Variants in OPA3 observed in about 807,000 individuals in gnomAD.
The protein encoded by OPA3 is outer mitochondrial membrane lipid metabolism regulator OPA3.
In OPA3, 6 loss-of-function variants were observed where a neutral mutation model predicts 4.0. That is an observed-to-expected ratio of 1.51 (90% confidence interval 0.83 to 2.99). The LOEUF (loss-of-function observed/expected upper bound fraction) is 2.99. Among genes scored for constraint, OPA3 ranks in the 30% most tolerant of loss-of-function variants. OPA3 has a pLI of 0.00. For missense variants in OPA3, 235 were observed against 256.2 expected, an observed-to-expected ratio of 0.92 and a Z score of 0.56; for synonymous variants, 105 against 117.1, an observed-to-expected ratio of 0.90 and a Z score of 0.67.
At chr19:45,572,836 T>G (rs929468269) in intron 1 of OPA3, among the ~76,000 whole-genome samples, 1 of 145,126 alleles carries the variant, frequency 6.9e-6, no homozygotes, top group Non-Finnish European at 1.5e-5. Flanking sequence ...TCGATATATA[T>G]CTATCTATAT....
rs772253134 is a variant in OPA3 at position 45,529,475 on chromosome 19, G to A, written c.143-19C>T. On this transcript the variant is annotated intron_variant, in intron 1 of 1. Coordinates refer to the OPA3 transcript ENST00000323060. ...TGGTACACTGCAGGAAAAGACAGGA[G>A]TCAGGGGTCTTTTGCAGGGCAGCCT... 3.1e-6 allele frequency: 5 copies of A among 1,610,756 alleles called. No homozygotes were observed. In the South Asian group the frequency reaches 5.5e-5, roughly 18 times the overall value.
chr19:45,548,870 C>G lies in OPA3; in HGVS notation c.*4644G>C. 1 of 495,070 alleles carries G rather than the reference C, an allele frequency of 2.0e-6. No homozygotes were observed. The highest frequency in any genetic ancestry group is 2.6e-6 in the Non-Finnish European group (1 of 382,586). The allele number at this position is 495,070 out of a possible 1,614,324, so 30.7% of individuals were successfully genotyped here. A position where few individuals can be genotyped will look rare whatever the true frequency, so the allele number is the denominator to read the frequency against. On this transcript the variant is annotated 3_prime_UTR_variant, in exon 2 of 2. Transcript: ENST00000263275. ...CCAGGCTGGAGTATAATGGCATGAT[C>G]TCGGCTCACTGCAACCTCCGCCTCC...
In OPA3 at chr19:45,550,649, A is replaced by G; in HGVS notation, c.*2865T>C. On this transcript the variant is annotated 3_prime_UTR_variant, in exon 2 of 2. Coordinates refer to ENST00000263275, the MANE Select transcript of OPA3 (RefSeq NM_025136.4). Reference sequence around the variant, plus strand: ...GCTTACCCCTGGCCTTAGTTTCCCCAGCTCATAGGGTGACTCTTGGGCCTC... The same window carrying G: ...GCTTACCCCTGGCCTTAGTTTCCCCGGCTCATAGGGTGACTCTTGGGCCTC... 1 of 985,934 alleles carries G rather than the reference A, an allele frequency of 1.0e-6. No homozygotes were observed. The highest frequency in any genetic ancestry group is 1.2e-6 in the Non-Finnish European group (1 of 830,336). The allele number at this position is 985,934 out of a possible 1,614,324, so 61.1% of individuals were successfully genotyped here. A position where few individuals can be genotyped will look rare whatever the true frequency, so the allele number is the denominator to read the frequency against.
chr19:45,552,153 C>T lies in OPA3; in HGVS notation c.*1361G>A. On this transcript the variant is annotated 3_prime_UTR_variant, in exon 2 of 2. Transcript: ENST00000263275. ...ATGAGGGGGTTCTGTTGGAATAGTC[C>T]ACTTCGGGTCTCAAGGGAAGGTACA... The T allele has an allele frequency of 1.0e-6, 1 of 985,330 alleles. No individual in the cohort carries two copies. Among genetic ancestry groups the T allele is most frequent in the African/African-American group, 1.7e-5 (1 of 57,320 alleles). 61.0% of individuals were successfully genotyped at this position (985,330 alleles called of 1,614,324 possible).
intron 1 of OPA3, among the ~76,000 whole-genome samples, chr19:45,535,762 C>CTTTTTTTTT (rs370775683): frequency 8.1e-6 from 1 of 122,958 alleles, no homozygotes; most frequent in African/African-American, 3.1e-5. Context: ...TTTTTCTTTT[C>CTTTTTTTTT]TTTTTTTTTT....
intron 1 of OPA3, among the ~76,000 whole-genome samples, chr19:45,558,531 T>G (rs1969454051): frequency 6.6e-6 from 1 of 152,048 alleles, no homozygotes. Flanking sequence ...GGACAGCCCA[T>G]AGTAAGCATA....
At chr19:45,530,346 TC>T (rs571729563) in intron 1 of OPA3, among the ~76,000 whole-genome samples, 2 of 151,534 alleles carry the variant, frequency 1.3e-5, no homozygotes. Context: ...AGAGCGAGAC[TC>T]CATCTCAAAA....
downstream of OPA3, among the ~76,000 whole-genome samples, chr19:45,542,820 C>T (rs11879921): frequency 0.027 from 4,110 of 151,836 alleles, 190 homozygotes; most frequent in African/African-American, 0.094. Flanking sequence ...ACTACAGGCA[C>T]CTGCCACCAC....
At chr19:45,560,496 C>T (rs1212232937) in intron 1 of OPA3, among the ~76,000 whole-genome samples, 1 of 152,082 alleles carries the variant, frequency 6.6e-6, no homozygotes, top group African/African-American at 2.4e-5. Flanking sequence ...TCTCTGGCTC[C>T]CCCATCTCCC....
chr19:45,572,409 G>A (rs1471119591), intron 1 of OPA3, among the ~76,000 whole-genome samples: 4 of 115,886 alleles, frequency 3.5e-5, no homozygotes, highest in Admixed American at 2.0e-4. Context: ...TGAGATTATC[G>A]ATATATATCG....
At position 45,552,049 on chromosome 19, in the gene OPA3, C is replaced by G; in HGVS notation, c.*1465G>C. 2.0e-6 allele frequency: 2 copies of G among 985,446 alleles called. No homozygotes were observed. The highest frequency in any genetic ancestry group is 2.4e-6 in the Non-Finnish European group (2 of 830,030). The allele number at this position is 985,446 out of a possible 1,614,324, so 61.0% of individuals were successfully genotyped here. A position where few individuals can be genotyped will look rare whatever the true frequency, so the allele number is the denominator to read the frequency against. ...CCCTAGTTAGGATCAAATTTCCCAC[C>G]ACGGAAAGGGGGGTTGGAGGACATT... On this transcript the variant is annotated 3_prime_UTR_variant, in exon 2 of 2. Coordinates refer to ENST00000263275, the MANE Select transcript of OPA3 (RefSeq NM_025136.4).
At chr19:45,557,616 T>C (rs1420211131) in intron 1 of OPA3, among the ~76,000 whole-genome samples, 3 of 152,138 alleles carry the variant, frequency 2.0e-5, no homozygotes, top group African/African-American at 7.2e-5. Context: ...CAGCTGCGTG[T>C]CGGGTCCATT....
chr19:45,548,018 G>T lies in OPA3; in HGVS notation c.*5496C>A. 1 of 678,508 alleles carries T rather than the reference G, an allele frequency of 1.5e-6. No individual in the cohort carries two copies. The allele number at this position is 678,508 out of a possible 1,614,324, so 42.0% of individuals were successfully genotyped here. On this transcript the variant is annotated 3_prime_UTR_variant, in exon 2 of 2. Coordinates refer to ENST00000263275, the MANE Select transcript of OPA3 (RefSeq NM_025136.4). Reference sequence around the variant, plus strand: ...GGCCACTCTTTCCTTCTTTATTGCCGGTCTCTGGCACTAGAATGTCAGCTC... The same window carrying T: ...GGCCACTCTTTCCTTCTTTATTGCCTGTCTCTGGCACTAGAATGTCAGCTC...
chr19:45,553,765 G>C lies in OPA3; in HGVS notation c.289C>G (p.Leu97Val), dbSNP rs755295420. 3 of 1,612,682 alleles carry C rather than the reference G, an allele frequency of 1.9e-6. No individual in the cohort carries two copies. The Admixed American group carries it at 5.0e-5, about 27-fold the overall frequency. Residue 97 changes from leucine to valine, a missense_variant, in exon 2 of 2, where the codon CTA becomes GTA. Leu to Val is a conservative substitution (Grantham distance 32, BLOSUM62 1). Coordinates refer to ENST00000263275, the MANE Select transcript of OPA3 (RefSeq NM_025136.4). ...TGGTGGCGCCAGTACTCCAGCACTAGGCAGCCGCCGCCCACGATGAAGATG... is the reference window on the plus strand; with the variant it reads ...TGGTGGCGCCAGTACTCCAGCACTACGCAGCCGCCGCCCACGATGAAGATG... The part of the protein sequence containing the change: ...ATIFIVGGGC[L>V]VLEYWRHQAQ...
intron 1 of OPA3, among the ~76,000 whole-genome samples, chr19:45,559,545 G>A (rs557579233): frequency 6.6e-6 from 1 of 151,506 alleles, no homozygotes; most frequent in East Asian, 1.9e-4. Context: ...GGGACTACAG[G>A]CACATACCAC....
chr19:45,533,327 T>A (rs1599949266), intron 1 of OPA3, among the ~76,000 whole-genome samples: 1 of 152,144 alleles, frequency 6.6e-6, no homozygotes, highest in Non-Finnish European at 1.5e-5. Flanking sequence ...CCCGAGTAGC[T>A]GGGACTACAG....
In OPA3 at chr19:45,529,243, C is replaced by CT. The variant is rs753909971; in HGVS notation, c.355dup (p.Arg119LysfsTer114). The CT allele has an allele frequency of 1.2e-6, 2 of 1,613,526 alleles. No homozygotes were observed. The highest frequency in any genetic ancestry group is 4.5e-5 in the East Asian group (2 of 44,880). ...GCCCACCTCGCCCCGCAGCGCCTCC[C>CT]TGGCAACACGTCGCTCCTTTTCCTT... On this transcript the variant is annotated frameshift_variant, in exon 2 of 2. Transcript: ENST00000323060. LOFTEE classifies it low-confidence loss of function (END_TRUNC).
intron 1 of OPA3, among the ~76,000 whole-genome samples, chr19:45,578,391 C>A (rs1969798265): frequency 1.3e-5 from 2 of 152,002 alleles, no homozygotes; most frequent in Non-Finnish European, 2.9e-5. Context: ...CTCATCTGAT[C>A]TTGTGCCCGC....
intron 1 of OPA3, among the ~76,000 whole-genome samples, chr19:45,578,418 C>T (rs892413542): frequency 3.3e-5 from 5 of 150,822 alleles, no homozygotes; most frequent in South Asian, 2.1e-4. Flanking sequence ...CCTCCCCCAC[C>T]GCCACCCAGG....
Sources: gnomAD v4.1 joint callset for allele counts (sites outside exome capture counted in the v4.1 genomes callset) on GRCh38, gnomAD v4.1.1 for gene constraint, MANE v1.5 for transcripts, NCBI Gene and HGNC (gene_info 2026-07-23, HGNC 2026-07-21) for gene names.